RPH3AL: variants seen among roughly 807,000 people sequenced by gnomAD.
RPH3AL encodes rabphilin 3A like (without C2 domains), also known as rab effector Noc2.
RPH3AL carries 38 observed loss-of-function variants against 43.1 expected under a neutral mutation model. The observed-to-expected ratio is 0.88, with a 90% confidence interval of 0.68 to 1.15. RPH3AL has a LOEUF of 1.15. Among genes scored for constraint, RPH3AL ranks in the 50% most tolerant of loss-of-function variants. The pLI is 0.00. For missense variants in RPH3AL, 462 were observed against 423.2 expected, an observed-to-expected ratio of 1.09 and a Z score of -0.81; for synonymous variants, 189 against 176.3, an observed-to-expected ratio of 1.07 and a Z score of -0.57.
rs772787235 is a variant in RPH3AL at position 219,724 on chromosome 17, TCACTGG to T, written c.620_625del (p.Ser207_Asp209delinsTyr). 1 of 1,613,190 alleles carries T rather than the reference TCACTGG, an allele frequency of 6.2e-7. No individual in the cohort carries two copies. Among genetic ancestry groups the T allele is most frequent in the South Asian group, 1.1e-5 (1 of 91,038 alleles). On this transcript the variant is annotated inframe_deletion, in exon 8 of 10. Transcript: ENST00000331302. ...GCTAAGATCCGAGTCACTGTCACTG[TCACTGG>T]AAACCACTGGAAGAGACAGACCACA...
At chr17:350,350 A>C (rs1451941638) in intron 1 of RPH3AL, among the ~76,000 whole-genome samples, 1 of 152,094 alleles carries the variant, frequency 6.6e-6, no homozygotes, top group African/African-American at 2.4e-5. Context: ...GGTGGCACGC[A>C]CTTGTAATCC....
chr17:243,972 A>AC (rs201756775), intron 7 of RPH3AL, among the ~76,000 whole-genome samples: 12 of 139,158 alleles, frequency 8.6e-5, no homozygotes, highest in African/African-American at 3.4e-4. Flanking sequence ...TCTACTGATT[A>AC]CCTTCCTCTA....
chr17:286,832 G>A (rs558896121), intron 5 of RPH3AL, among the ~76,000 whole-genome samples: 23 of 152,254 alleles, frequency 1.5e-4, no homozygotes, highest in Middle Eastern at 3.4e-3. Flanking sequence ...CTGGAACTGC[G>A]TCCGGGTGTT....
intron 7 of RPH3AL, among the ~76,000 whole-genome samples, chr17:240,098 G>A (rs570725058): frequency 5.9e-5 from 9 of 152,164 alleles, no homozygotes; most frequent in Non-Finnish European, 4.4e-5. Context: ...TTAGCGGGGC[G>A]TGGTGGTGCA....
intron 7 of RPH3AL, among the ~76,000 whole-genome samples, chr17:227,147 C>G (rs1484924812): frequency 6.6e-6 from 1 of 152,204 alleles, no homozygotes; most frequent in Non-Finnish European, 1.5e-5. Context: ...CCTGAGGCTT[C>G]CCCACTGCAG....
intron 7 of RPH3AL, among the ~76,000 whole-genome samples, chr17:221,781 A>G (rs370786520): frequency 2.7e-4 from 21 of 77,384 alleles, no homozygotes; most frequent in Non-Finnish European, 2.8e-4. Context: ...GCCTCCACTC[A>G]CTGAGACAAT....
chr17:237,226 C>A (rs1277544221), intron 7 of RPH3AL, among the ~76,000 whole-genome samples: 1 of 152,246 alleles, frequency 6.6e-6, no homozygotes, highest in Non-Finnish European at 1.5e-5. Flanking sequence ...ACAAAAAGGA[C>A]CACAGTTTGG....
chr17:302,387 C>T (rs985233762), intron 5 of RPH3AL, among the ~76,000 whole-genome samples: 4 of 152,212 alleles, frequency 2.6e-5, no homozygotes, highest in Non-Finnish European at 5.9e-5. Flanking sequence ...CCACCCACTA[C>T]GTCCGTCCTT....
At chr17:281,498 G>A (rs1364337939) in intron 6 of RPH3AL, among the ~76,000 whole-genome samples, 3 of 151,934 alleles carry the variant, frequency 2.0e-5, no homozygotes, top group South Asian at 4.2e-4. Flanking sequence ...GCTTCCCACC[G>A]AAACCTCGGA....
At chr17:222,006 A>G (rs1303434829) in intron 7 of RPH3AL, among the ~76,000 whole-genome samples, 1 of 117,320 alleles carries the variant, frequency 8.5e-6, no homozygotes, top group Non-Finnish European at 2.0e-5. Context: ...GCCTCCACTC[A>G]CTGAGACAAT....
chr17:281,462 A>T (rs2042776251), intron 6 of RPH3AL, among the ~76,000 whole-genome samples: 1 of 151,840 alleles, frequency 6.6e-6, no homozygotes, highest in Non-Finnish European at 1.5e-5. Flanking sequence ...CAAACACCAC[A>T]TGCTCTCACA....
chr17:315,547 GACCT>G (rs2043990189), intron 5 of RPH3AL, among the ~76,000 whole-genome samples: 2 of 149,546 alleles, frequency 1.3e-5, no homozygotes, highest in Admixed American at 1.3e-4. Context: ...CACCTCCATT[GACCT>G]GTAGTCCCTG....
At chr17:273,822 TG>T (rs2042588881) in intron 6 of RPH3AL, among the ~76,000 whole-genome samples, 1 of 152,170 alleles carries the variant, frequency 6.6e-6, no homozygotes, top group Non-Finnish European at 1.5e-5. Flanking sequence ...GGCGGGAAAT[TG>T]AGGAGGCAAA....
chr17:257,937 C>T (rs1186655819), intron 6 of RPH3AL, among the ~76,000 whole-genome samples: 1 of 134,530 alleles, frequency 7.4e-6, no homozygotes, highest in Non-Finnish European at 1.6e-5. Context: ...AGTCGCACGG[C>T]GTCTATCCTT....
chr17:319,334 C>T, intron 5 of RPH3AL, 86 bp downstream of exon 5: 1 of 1,507,608 alleles, frequency 6.6e-7, no homozygotes, highest in African/African-American at 1.4e-5. Context: ...CATACACACT[C>T]CTGGGAGCCA....
intron 5 of RPH3AL, among the ~76,000 whole-genome samples, chr17:304,392 A>T (rs895594444): frequency 6.6e-6 from 1 of 152,050 alleles, no homozygotes; most frequent in Non-Finnish European, 1.5e-5. Context: ...AGCGTTCTAA[A>T]CCTCTGCACA....
chr17:285,600 T>A (rs1378027976), intron 5 of RPH3AL, among the ~76,000 whole-genome samples: 1 of 152,196 alleles, frequency 6.6e-6, no homozygotes, highest in Non-Finnish European at 1.5e-5. Flanking sequence ...TGTGATGGAA[T>A]AAAATGAAAA....
Position 323,005 on chromosome 17 carries a change from G to A in RPH3AL, c.78-1590C>T, listed in dbSNP as rs1598131352. Among the ~76,000 whole-genome samples, 1 of 152,118 alleles carries A rather than the reference G, an allele frequency of 6.6e-6. No individual in the cohort carries two copies. The highest frequency in any genetic ancestry group is 2.1e-4 in the South Asian group (1 of 4,818). On this transcript the variant is annotated intron_variant, in intron 3 of 9. Transcript: ENST00000331302. The surrounding 1 kb of genome is among the most constrained non-coding windows in gnomAD (Gnocchi z 4.4). The stretch of plus-strand genomic sequence containing the variant: ...ATGCCATGAGAATTAATGAGGCAGG[G>A]TAGATAAGGTGCTTTTACATAGCAA...
chr17:251,037 T>G (rs563617180), intron 6 of RPH3AL, among the ~76,000 whole-genome samples: 2 of 152,326 alleles, frequency 1.3e-5, no homozygotes, highest in Admixed American at 1.3e-4. Flanking sequence ...ACCTTAGTAA[T>G]GGGTCTGCAT....
Sources: allele counts gnomAD v4.1 joint callset (sites outside exome capture counted in the v4.1 genomes callset), GRCh38; gene constraint gnomAD v4.1.1; non-coding constraint Gnocchi (gnomAD v3.1); transcripts MANE v1.5; gene names NCBI Gene and HGNC (gene_info 2026-07-23, HGNC 2026-07-21).